NPSR1: variants seen among roughly 807,000 people sequenced by gnomAD.
NPSR1 encodes the protein neuropeptide S receptor 1.
Under a neutral mutation model 46.9 loss-of-function variants are expected in NPSR1, and 48 were observed. The ratio of observed to expected loss-of-function variants is 1.02; its 90% CI spans 0.81 to 1.30. NPSR1 has a LOEUF of 1.30. NPSR1 is among the 50% of genes most tolerant of loss of function. The pLI is 0.00. For synonymous variants in NPSR1, 176 were observed against 168.1 expected (o/e 1.05, Z -0.36); for missense variants, 450 against 449.5 (o/e 1.00, Z -0.01).
rs1215401094 is a variant in NPSR1 at position 34,683,723 on chromosome 7, A to T, written c.148-829A>T. ...GGAGGGGAACTGAACTCATTCCTTT[A>T]TCAGTAACCCACTCCTGCAATAACT... On this transcript the variant is annotated intron_variant, in intron 1 of 8. Coordinates refer to ENST00000360581, the MANE Select transcript of NPSR1 (RefSeq NM_207172.2). Among the ~76,000 whole-genome samples, 8 of 152,216 alleles carry T rather than the reference A, an allele frequency of 5.3e-5. No homozygotes were observed. The East Asian group carries it at 7.7e-4, about 15-fold the overall frequency.
intron 2 of NPSR1, chr7:34,685,802 C>T (rs1792899377): frequency 6.3e-6 from 2 of 317,026 alleles, no homozygotes; most frequent in Non-Finnish European, 1.2e-5. Context: ...GGTAAACATC[C>T]AAGGCACCAG....
intron 2 of NPSR1, among the ~76,000 whole-genome samples, chr7:34,720,065 A>G (rs566554533): frequency 6.6e-6 from 1 of 152,088 alleles, no homozygotes; most frequent in Non-Finnish European, 1.5e-5. Context: ...GTGGATCATG[A>G]GGTCAGGAGT....
intron 5 of NPSR1, among the ~76,000 whole-genome samples, chr7:34,831,464 A>C (rs1260887269): frequency 6.6e-6 from 1 of 152,052 alleles, no homozygotes; most frequent in Non-Finnish European, 1.5e-5. Context: ...GGGAGAAAAG[A>C]AAGGAGGGGG....
chr7:34,805,129 A>C (rs1788632154), intron 3 of NPSR1, among the ~76,000 whole-genome samples: 3 of 152,028 alleles, frequency 2.0e-5, no homozygotes, highest in Non-Finnish European at 4.4e-5. Context: ...CTATAAATTC[A>C]ATACAATTCC....
chr7:34,685,327 C>A (rs143460478), intron 2 of NPSR1, among the ~76,000 whole-genome samples: 3 of 152,000 alleles, frequency 2.0e-5, no homozygotes, highest in East Asian at 1.9e-4. Flanking sequence ...ATGAGTAGAG[C>A]TCATGTTCAA....
intron 4 of NPSR1, among the ~76,000 whole-genome samples, chr7:34,822,535 A>G (rs1355930117): frequency 6.6e-6 from 1 of 152,248 alleles, no homozygotes; most frequent in African/African-American, 2.4e-5. Context: ...ATAATTAGAA[A>G]AATATCAAAA....
rs267601495 is a variant in NPSR1, at chr7:34,658,443, G to A, written c.31G>A (p.Asp11Asn). 4.3e-6 allele frequency: 7 copies of A among 1,614,044 alleles called. No individual in the cohort carries two copies. In the African/African-American group the frequency reaches 5.3e-5, roughly 12 times the overall value. Residue 11 changes from aspartate (D) to asparagine (N), a missense_variant, in exon 1 of 9, where the codon GAT becomes AAT. Asp to Asn is a conservative substitution (Grantham distance 23). Coordinates refer to ENST00000360581, the MANE Select transcript of NPSR1 (RefSeq NM_207172.2). ...AGCCAACTTCACAGAGGGCAGCTTCGATTCCAGTGGGACCGGGCAGACGCT... is the reference window on the plus strand; with the variant it reads ...AGCCAACTTCACAGAGGGCAGCTTCAATTCCAGTGGGACCGGGCAGACGCT... The part of the protein sequence containing the change: MPANFTEGSF[D>N]SSGTGQTLDS...
rs569416106 is a variant in NPSR1, at chr7:34,712,258, TTTAA to T, written c.280+27581_280+27584del. Among the ~76,000 whole-genome samples the T allele has an allele frequency of 1.6e-3, 246 of 152,350 alleles. 3 individuals are homozygous for T. Among genetic ancestry groups the T allele is most frequent in the African/African-American group, 5.3e-3 (222 of 41,594 alleles). On this transcript the variant is annotated intron_variant, in intron 2 of 8. Coordinates refer to ENST00000360581, the MANE Select transcript of NPSR1 (RefSeq NM_207172.2). ...ATGATATATACTTACATAATATTAATTTAATTAATTGTCAGAAACCATAGATACT... is the reference window on the plus strand; with the variant it reads ...ATGATATATACTTACATAATATTAATTTAATTGTCAGAAACCATAGATACT...
chr7:34,810,510 T>G (rs992103031), intron 3 of NPSR1, among the ~76,000 whole-genome samples: 1 of 152,158 alleles, frequency 6.6e-6, no homozygotes, highest in African/African-American at 2.4e-5. Context: ...CTGAGCCTAA[T>G]GAAGTGGATG....
At chr7:34,682,789 C>T (rs1409500166) in intron 1 of NPSR1, among the ~76,000 whole-genome samples, 2 of 152,174 alleles carry the variant, frequency 1.3e-5, no homozygotes, top group Non-Finnish European at 2.9e-5. Flanking sequence ...CTTTATCACC[C>T]ATTTCAAGAC....
intron 2 of NPSR1, among the ~76,000 whole-genome samples, chr7:34,764,317 CA>C (rs1457115878): frequency 6.6e-6 from 1 of 152,164 alleles, no homozygotes; most frequent in Non-Finnish European, 1.5e-5. Flanking sequence ...GAGAAAAGAT[CA>C]GACTTGAGAA....
intron 1 of NPSR1, among the ~76,000 whole-genome samples, chr7:34,668,729 A>G (rs1033065663): frequency 1.3e-4 from 20 of 152,234 alleles, no homozygotes; most frequent in Non-Finnish European, 2.6e-4. Flanking sequence ...AAAGGCTTCC[A>G]TAATACTGAA....
At chr7:34,759,842 C>T (rs1419113661) in intron 2 of NPSR1, among the ~76,000 whole-genome samples, 5 of 152,206 alleles carry the variant, frequency 3.3e-5, no homozygotes, top group Admixed American at 3.3e-4. Context: ...ATTTAGTAAG[C>T]ACAGCCCAGG....
At chr7:34,753,896 GA>G (rs756003810) in intron 2 of NPSR1, among the ~76,000 whole-genome samples, 1 of 152,048 alleles carries the variant, frequency 6.6e-6, no homozygotes, top group African/African-American at 2.4e-5. Flanking sequence ...TAAAAAGAAA[GA>G]AAAAATAATA....
chr7:34,794,736 G>A lies in NPSR1; in HGVS notation c.384+16171G>A, dbSNP rs1223711766. 4.0e-5 allele frequency among the ~76,000 whole-genome samples: 6 copies of A among 151,758 alleles called. No individual in the cohort carries two copies. In the East Asian group the frequency reaches 9.6e-4, roughly 24 times the overall value. Reference sequence around the variant, plus strand: ...CCAAAAGCAGACAAAAATATTGCAAGGAAAAAAACACATCAATATATCTGA... The same window carrying A: ...CCAAAAGCAGACAAAAATATTGCAAAGAAAAAAACACATCAATATATCTGA... On this transcript the variant is annotated intron_variant, in intron 3 of 8. Transcript: ENST00000360581.
intron 1 of NPSR1, among the ~76,000 whole-genome samples, chr7:34,670,487 G>T (rs1349741836): frequency 1.3e-5 from 2 of 151,620 alleles, no homozygotes; most frequent in East Asian, 1.9e-4. Flanking sequence ...ATATAATGAT[G>T]ACACTAATTT....
At chr7:34,715,964 T>G (rs1254628520) in intron 2 of NPSR1, among the ~76,000 whole-genome samples, 1 of 151,880 alleles carries the variant, frequency 6.6e-6, no homozygotes, top group Non-Finnish European at 1.5e-5. Context: ...AAGATAAAAG[T>G]CAGAATGAGG....
In NPSR1 at chr7:34,872,259, C is replaced by T. The variant is rs143088110; in HGVS notation, c.1026-5817C>T. 4.9e-4 allele frequency among the ~76,000 whole-genome samples: 74 copies of T among 152,084 alleles called. No individual in the cohort carries two copies. In the East Asian group the frequency reaches 0.013, roughly 27 times the overall value. On this transcript the variant is annotated intron_variant, in intron 8 of 8. Coordinates refer to the NPSR1 transcript ENST00000359791. ...TGAGTCATGCCTGAAGCCAGAGTGG[C>T]CAGGATGCAGGGAGCAGTGTGGCAG...
chr7:34,757,189 T>C (rs1449258324), intron 2 of NPSR1, among the ~76,000 whole-genome samples: 3 of 152,162 alleles, frequency 2.0e-5, no homozygotes, highest in African/African-American at 7.2e-5. Flanking sequence ...TTAATTACAA[T>C]TGCATCAAGC....
Sources: allele counts gnomAD v4.1 joint callset (sites outside exome capture counted in the v4.1 genomes callset), GRCh38; gene constraint gnomAD v4.1.1; transcripts MANE v1.5; gene names NCBI Gene and HGNC (gene_info 2026-07-23, HGNC 2026-07-21).